The following DSCAM variants were observed in gnomAD, a reference collection of about 807,000 sequenced individuals.
DSCAM encodes DS cell adhesion molecule, also known as cell adhesion molecule DSCAM.
In DSCAM, 47 loss-of-function variants were observed where a neutral mutation model predicts 217.7. The ratio of observed to expected loss-of-function variants is 0.22; its 90% CI spans 0.17 to 0.28. DSCAM has a LOEUF of 0.28. Ranked by LOEUF, DSCAM falls within the 10% of genes least tolerant of loss-of-function variation. DSCAM has a pLI of 1.00. For synonymous variants in DSCAM, 1,056 were observed against 1,015.3 expected, an observed-to-expected ratio of 1.04 and a Z score of -0.76; for missense variants, 2,080 against 2,618.3, an observed-to-expected ratio of 0.79 and a Z score of 4.49.
At chr21:40,815,559 C>T (rs1339623822) in intron 1 of DSCAM, among the ~76,000 whole-genome samples, 6 of 152,180 alleles carry the variant, frequency 3.9e-5, no homozygotes, top group South Asian at 4.1e-4. Context: ...ACTGTGATTA[C>T]GTCCGTTTTC....
chr21:40,756,501 C>T (rs1399225040), intron 1 of DSCAM, among the ~76,000 whole-genome samples: 4 of 152,080 alleles, frequency 2.6e-5, no homozygotes, highest in African/African-American at 4.8e-5. Flanking sequence ...AAGTGATTGT[C>T]CTGCCTCAGC....
intron 8 of DSCAM, among the ~76,000 whole-genome samples, chr21:40,327,181 G>A (rs1448732476): frequency 1.3e-5 from 2 of 152,042 alleles, no homozygotes; most frequent in African/African-American, 2.4e-5. Context: ...TCCCTGTGGT[G>A]TGTGCACAAA....
chr21:40,317,191 G>A (rs1168652185), intron 8 of DSCAM, among the ~76,000 whole-genome samples: 2 of 152,192 alleles, frequency 1.3e-5, no homozygotes, highest in Non-Finnish European at 2.9e-5. Flanking sequence ...TTTCTAGTCC[G>A]GGGTATACCT....
intron 3 of DSCAM, among the ~76,000 whole-genome samples, chr21:40,400,466 C>T (rs1378659860): frequency 1.3e-5 from 2 of 152,158 alleles, no homozygotes. Context: ...TTTTAATAGT[C>T]TTTGTAAGTA....
At chr21:40,179,986 C>G (rs548154806) in intron 14 of DSCAM, among the ~76,000 whole-genome samples, 1 of 152,360 alleles carries the variant, frequency 6.6e-6, no homozygotes, top group Non-Finnish European at 1.5e-5. Flanking sequence ...TCCTCAGGGT[C>G]TGCCTTGGTG....
intron 22 of DSCAM, among the ~76,000 whole-genome samples, chr21:40,086,358 T>G (rs2089532029): frequency 6.6e-6 from 1 of 152,236 alleles, no homozygotes; most frequent in East Asian, 1.9e-4. Context: ...GAATGCCAAC[T>G]TGACCTTGGG....
At chr21:40,784,326 T>A (rs986159452) in intron 1 of DSCAM, among the ~76,000 whole-genome samples, 1 of 152,160 alleles carries the variant, frequency 6.6e-6, no homozygotes, top group African/African-American at 2.4e-5. Flanking sequence ...TTCGCTAGGC[T>A]CTGATTCTTT....
At position 40,637,516 on chromosome 21, in the gene DSCAM, A is replaced by C. The variant is rs187671507; in HGVS notation, c.508+55294T>G. On this transcript the variant is annotated intron_variant, in intron 3 of 32. Coordinates refer to ENST00000400454, the MANE Select transcript of DSCAM (RefSeq NM_001389.5). Reference sequence around the variant, plus strand: ...ATATATAAATATATATAAATATATAAATATATATAAATATATACATATATA... The same window carrying C: ...ATATATAAATATATATAAATATATACATATATATAAATATATACATATATA... 2.2e-3 allele frequency among the ~76,000 whole-genome samples: 37 copies of C among 16,528 alleles called. 6 individuals are homozygous for C. Among genetic ancestry groups the C allele is most frequent in the East Asian group, 3.4e-3 (2 of 586 alleles). 10.8% of individuals were successfully genotyped at this position (16,528 alleles called of 152,430 possible).
chr21:40,318,402 CGACATGGCAGGGACAAGAGT>C (rs2074224162), intron 8 of DSCAM, among the ~76,000 whole-genome samples: 1 of 151,710 alleles, frequency 6.6e-6, no homozygotes, highest in African/African-American at 2.4e-5. Context: ...TTAATAATGA[CGACATGGCAGGGACAAGAGT>C]GAAGCTCCTC....
At chr21:40,318,357 CTT>C (rs1291961403) in intron 8 of DSCAM, among the ~76,000 whole-genome samples, 4 of 150,866 alleles carry the variant, frequency 2.7e-5, no homozygotes, top group Non-Finnish European at 5.9e-5. Context: ...AAAAGAATGA[CTT>C]AGAAAAGAGG....
chr21:40,016,081 C>G lies in DSCAM; in HGVS notation c.5687-2695G>C, dbSNP rs2088152601. Among the ~76,000 whole-genome samples, 1 of 152,210 alleles carries G rather than the reference C, an allele frequency of 6.6e-6. No homozygotes were observed. The highest frequency in any genetic ancestry group is 1.5e-5 in the Non-Finnish European group (1 of 68,040). ...CTCGTGACATACCAGGTGCAAAACT[C>G]TGTCTAGAGAATGGGCTGGTGGTGT... On this transcript the variant is annotated intron_variant, in intron 32 of 32. Coordinates refer to ENST00000400454, the MANE Select transcript of DSCAM (RefSeq NM_001389.5). This position sits in a 1 kb window ranked among gnomAD's most constrained non-coding sequence, Gnocchi z 4.3.
intron 11 of DSCAM, among the ~76,000 whole-genome samples, chr21:40,241,221 A>C (rs2073148311): frequency 6.6e-6 from 1 of 152,248 alleles, no homozygotes; most frequent in South Asian, 2.1e-4. Context: ...ATGTGAGAAA[A>C]TATTTGAAAA....
chr21:40,206,686 C>CAAAAA (rs537702443), intron 11 of DSCAM, among the ~76,000 whole-genome samples: 1 of 130,630 alleles, frequency 7.7e-6, no homozygotes. Flanking sequence ...TGGGATTTGC[C>CAAAAA]AAAAAAAAAA....
At chr21:40,185,369 G>T (rs898858820) in intron 14 of DSCAM, among the ~76,000 whole-genome samples, 1 of 152,194 alleles carries the variant, frequency 6.6e-6, no homozygotes, top group African/African-American at 2.4e-5. Context: ...CGCAAGCGAG[G>T]GTGCAGAGCT....
At chr21:40,467,414 CAGA>C (rs904909973) in intron 3 of DSCAM, among the ~76,000 whole-genome samples, 46 of 152,130 alleles carry the variant, frequency 3.0e-4, no homozygotes, top group African/African-American at 8.7e-4. Context: ...TCTATATCTG[CAGA>C]AGTTTTCAAA....
chr21:40,686,696 C>T (rs2090482315), intron 3 of DSCAM, among the ~76,000 whole-genome samples: 1 of 152,108 alleles, frequency 6.6e-6, no homozygotes, highest in Non-Finnish European at 1.5e-5. Flanking sequence ...GGCTGAGGCC[C>T]TGCAGACTAG....
rs546715623 is a variant in DSCAM, at chr21:40,367,015, T to C, written c.655+2084A>G. 2.4e-4 allele frequency among the ~76,000 whole-genome samples: 36 copies of C among 152,340 alleles called. No individual in the cohort carries two copies. The South Asian group carries it at 5.8e-3, about 25-fold the overall frequency. On this transcript the variant is annotated intron_variant, in intron 4 of 32. Transcript: ENST00000400454. ...TCAATTTGATTTCTAAATTGAGCCG[T>C]TCCCCTGAGAGTGAGTCTCTGTTCT...
intron 1 of DSCAM, among the ~76,000 whole-genome samples, chr21:40,723,631 T>C (rs1020186069): frequency 6.6e-6 from 1 of 152,188 alleles, no homozygotes; most frequent in African/African-American, 2.4e-5. Flanking sequence ...AATGCATAAA[T>C]AAATGTTTAA....
intron 3 of DSCAM, among the ~76,000 whole-genome samples, chr21:40,376,788 T>C (rs528487917): frequency 2.8e-4 from 43 of 151,052 alleles, no homozygotes; most frequent in African/African-American, 9.7e-4. Flanking sequence ...TCCTGAGCAA[T>C]TGAGTTGCCA....
Sources: gnomAD v4.1 joint callset for allele counts (sites outside exome capture counted in the v4.1 genomes callset) on GRCh38, gnomAD v4.1.1 for gene constraint, Gnocchi (gnomAD v3.1) non-coding constraint, MANE v1.5 for transcripts, NCBI Gene and HGNC (gene_info 2026-07-23, HGNC 2026-07-21) for gene names.